Variants in HTT observed in about 807,000 individuals in gnomAD.
The protein encoded by HTT is huntingtin, also known as huntington disease protein.
HTT carries 104 observed loss-of-function variants against 362.3 expected under a neutral mutation model. That is an observed-to-expected ratio of 0.29 (90% CI 0.24 to 0.34). The LOEUF is 0.34. Among genes scored for constraint, HTT ranks in the 10% least tolerant of loss-of-function variants. The probability of loss-of-function intolerance (pLI) is 1.00; values close to 1 mark genes in which losing one functional copy is unlikely to be tolerated. For synonymous variants in HTT, 1,577 were observed against 1,548.7 expected, an observed-to-expected ratio of 1.02 and a Z score of -0.43; for missense variants, 3,301 against 3,928.6, an observed-to-expected ratio of 0.84 and a Z score of 4.27.
intron 60 of HTT, 57 bp downstream of exon 60, chr4:3,230,099 T>G (rs1560604772): frequency 6.7e-7 from 1 of 1,494,912 alleles, no homozygotes; most frequent in African/African-American, 1.4e-5. Flanking sequence ...CCCATCTGCC[T>G]TGGGACCTGG....
intron 27 of HTT, among the ~76,000 whole-genome samples, chr4:3,156,570 G>C (rs1717159332): frequency 2.0e-5 from 3 of 152,214 alleles, no homozygotes; most frequent in African/African-American, 7.2e-5. Context: ...AGGACTCCAA[G>C]TCAAAAGTCT....
At chr4:3,139,488 G>T (rs1263822665) in intron 21 of HTT, among the ~76,000 whole-genome samples, 2 of 152,082 alleles carry the variant, frequency 1.3e-5, no homozygotes, top group African/African-American at 4.8e-5. Context: ...GTGAGCCACC[G>T]TACCCAGCCA....
chr4:3,217,439 A>T (rs954597561), intron 51 of HTT, among the ~76,000 whole-genome samples: 2 of 152,208 alleles, frequency 1.3e-5, no homozygotes, highest in Non-Finnish European at 2.9e-5. Flanking sequence ...GGTGTCCTAA[A>T]GGAAGTCTGA....
At position 3,131,445 on chromosome 4, in the gene HTT, C is replaced by T. The variant is rs192965923; in HGVS notation, c.2098+48C>T. Reference sequence around the variant, plus strand: ...ACAGTTGAAGGAAATAACTAGGTTTCAGAGGTCAGCTTGGTGGCCTGTTTT... The same window carrying T: ...ACAGTTGAAGGAAATAACTAGGTTTTAGAGGTCAGCTTGGTGGCCTGTTTT... On this transcript the variant is annotated intron_variant, in intron 15 of 66. Coordinates refer to ENST00000355072, the MANE Select transcript of HTT (RefSeq NM_001388492.1). The T allele has an allele frequency of 3.4e-3, 5,165 of 1,518,072 alleles. 14 individuals are homozygous for T. Among genetic ancestry groups the T allele is most frequent in the Non-Finnish European group, 3.4e-3 (3,760 of 1,092,826 alleles). The allele number at this position is 1,518,072 out of a possible 1,614,324, so 94.0% of individuals were successfully genotyped here. A position where few individuals can be genotyped will look rare whatever the true frequency, so the allele number is the denominator to read the frequency against.
intron 29 of HTT, among the ~76,000 whole-genome samples, chr4:3,167,000 GA>G (rs1489969767): frequency 1.6e-4 from 25 of 152,366 alleles, no homozygotes; most frequent in African/African-American, 5.8e-4. Context: ...TGGAAATGCA[GA>G]AATCACCTGT....
rs1715246858 is a variant in HTT at position 3,120,537 on chromosome 4, A to G, written c.1069-691A>G. Among the ~76,000 whole-genome samples the G allele has an allele frequency of 2.6e-5, 4 of 152,226 alleles. No individual in the cohort carries two copies. The South Asian group carries it at 8.3e-4, about 32-fold the overall frequency. ...CCAGGCTGCCCAGCAGGAAGTGAGC[A>G]GCAGGTGAGCTGGCATTCCCACCTG... On this transcript the variant is annotated intron_variant, in intron 8 of 66. Transcript: ENST00000355072.
Position 3,225,763 on chromosome 4 carries a change from C to G in HTT, c.7848+20C>G. On this transcript the variant is annotated intron_variant, in intron 57 of 66. Coordinates refer to ENST00000355072, the MANE Select transcript of HTT (RefSeq NM_001388492.1). ...GGCCAGGTCAGTCTCGCGCCCCCGC[C>G]GCCTGGCCTCTGTCCGTTTCTGTCC... The G allele has an allele frequency of 6.3e-7, 1 of 1,595,712 alleles. No individual in the cohort carries two copies. The highest frequency in any genetic ancestry group is 8.6e-7 in the Non-Finnish European group (1 of 1,167,094).
At chr4:3,076,471 C>T (rs2110131291) in intron 1 of HTT, among the ~76,000 whole-genome samples, 2 of 152,298 alleles carry the variant, frequency 1.3e-5, no homozygotes, top group East Asian at 1.9e-4. Flanking sequence ...GCAGTGTTAG[C>T]TTATTTGTTG....
At chr4:3,185,072 ATG>A (rs1467977939) in intron 37 of HTT, among the ~76,000 whole-genome samples, 1 of 152,178 alleles carries the variant, frequency 6.6e-6, no homozygotes, top group Non-Finnish European at 1.5e-5. Context: ...CCTAATGGGA[ATG>A]TGTTCCTGAA....
rs367623835 is a variant in HTT at position 3,212,575 on chromosome 4, C to G, written c.6640C>G (p.Leu2214Val). The G allele has an allele frequency of 6.2e-6, 10 of 1,614,238 alleles. No homozygotes were observed. Among genetic ancestry groups the G allele is most frequent in the Non-Finnish European group, 7.6e-6 (9 of 1,180,026 alleles). Reference sequence around the variant, plus strand: ...TCCTTCTGTTTCAGGGGATGCTGCACTGTATCAGTCCCTGCCCACTCTGGC... The same window carrying G: ...TCCTTCTGTTTCAGGGGATGCTGCAGTGTATCAGTCCCTGCCCACTCTGGC... Reference protein sequence around the residue: ...KLNDLFGDAALYQSLPTLARA... With the variant: ...KLNDLFGDAAVYQSLPTLARA... The change falls in exon 49 of 67, where the codon CTG (leucine) becomes GTG (valine). Residue 2214 changes from leucine to valine, a missense_variant. Physicochemically the swap from Leu to Val is conservative, Grantham distance 32. This residue lies in a region of HTT where 220 missense variants were observed against 218.5 expected (regional missense o/e 1.01). Coordinates refer to ENST00000355072, the MANE Select transcript of HTT (RefSeq NM_001388492.1).
In HTT at chr4:3,074,729, C is replaced by G; in HGVS notation, c.-97C>G. The G allele has an allele frequency of 7.6e-7, 1 of 1,318,534 alleles. No homozygotes were observed. The highest frequency in any genetic ancestry group is 1.0e-6 in the Non-Finnish European group (1 of 987,310). 81.7% of individuals were successfully genotyped at this position (1,318,534 alleles called of 1,614,324 possible). ...GACGGCCGCTCAGGTTCTGCTTTTA[C>G]CTGCGGCCCAGAGCCCCATTCATTG... On this transcript the variant is annotated 5_prime_UTR_variant, in exon 1 of 67. Coordinates refer to ENST00000355072, the MANE Select transcript of HTT (RefSeq NM_001388492.1).
rs1720709078 is a variant in HTT, at chr4:3,222,275, C to T, written c.7370-112C>T. Reference sequence around the variant, plus strand: ...TGTGTGAGGTTTAAGGGACTCACTGCCCTTGGCGTGGAGCCTTCTCCAGGG... The same window carrying T: ...TGTGTGAGGTTTAAGGGACTCACTGTCCTTGGCGTGGAGCCTTCTCCAGGG... On this transcript the variant is annotated intron_variant, in intron 53 of 66. Transcript: ENST00000355072. 8 of 761,876 alleles carry T rather than the reference C, an allele frequency of 1.1e-5. No individual in the cohort carries two copies. In the Admixed American group the frequency reaches 1.8e-4, roughly 17 times the overall value. 47.2% of individuals were successfully genotyped at this position (761,876 alleles called of 1,614,324 possible).
At chr4:3,109,070 T>A (rs78101761) in intron 6 of HTT, among the ~76,000 whole-genome samples, 1,583 of 75,096 alleles carry the variant, frequency 0.021, 32 homozygotes, top group African/African-American at 0.06. Context: ...AAAAAAAATA[T>A]ATATATATAT....
Position 3,105,417 on chromosome 4 carries a change from G to T in HTT, c.589G>T (p.Val197Phe). 1 of 1,613,680 alleles carries T rather than the reference G, an allele frequency of 6.2e-7. No homozygotes were observed. Among genetic ancestry groups the T allele is most frequent in the Non-Finnish European group, 8.5e-7 (1 of 1,179,582 alleles). The change falls in exon 5 of 67, where the codon GTT becomes TTT. Residue 197 changes from valine to phenylalanine, a missense_variant. Coordinates refer to ENST00000355072, the MANE Select transcript of HTT (RefSeq NM_001388492.1). ...LWRFAELAHL[V>F]RPQKCRPYLV... Reference sequence around the variant, plus strand: ...GAGGTTTGCTGAGCTGGCTCACCTGGTTCGGCCTCAGAAATGCAGGTAAGT... The same window carrying T: ...GAGGTTTGCTGAGCTGGCTCACCTGTTTCGGCCTCAGAAATGCAGGTAAGT...
intron 4 of HTT, among the ~76,000 whole-genome samples, chr4:3,105,135 A>G (rs1714361728): frequency 6.6e-6 from 1 of 152,082 alleles, no homozygotes; most frequent in Admixed American, 6.5e-5. Flanking sequence ...TCAAAAGGTT[A>G]CTCTTTATTA....
chr4:3,076,276 C>G (rs556636867), intron 1 of HTT, among the ~76,000 whole-genome samples: 1 of 152,278 alleles, frequency 6.6e-6, no homozygotes, highest in South Asian at 2.1e-4. Context: ...AGGAAGTACT[C>G]TGGTGCAGTT....
chr4:3,092,062 G>A (rs886402650), intron 2 of HTT, among the ~76,000 whole-genome samples: 12 of 152,100 alleles, frequency 7.9e-5, no homozygotes, highest in South Asian at 2.1e-4. Context: ...TGCACTGTCC[G>A]CCTGGGCCAG....
In HTT at chr4:3,224,089, C is replaced by T. The variant is rs1272603619; in HGVS notation, c.7723C>T (p.Gln2575Ter). ...RENIATHHLY[Q>*]AWDPVPSLSP... ...GAATATTGCCACCCATCATTTATAT[C>T]AGGCATGGGATCCTGTCCCTTCTCT... Residue 2575 changes from glutamine (Q) to a stop codon, truncating the protein, a stop_gained, in exon 56 of 67, where the codon CAG becomes TAG. Transcript: ENST00000355072. LOFTEE classifies it high-confidence loss of function. The T allele has an allele frequency of 6.2e-7, 1 of 1,613,950 alleles. No homozygotes were observed.
intron 40 of HTT, among the ~76,000 whole-genome samples, chr4:3,189,327 G>C (rs1718911903): frequency 6.6e-6 from 1 of 152,232 alleles, no homozygotes. Flanking sequence ...TTGCATGCCA[G>C]CATTCATAGC....
Sources: gnomAD v4.1 joint callset for allele counts (sites outside exome capture counted in the v4.1 genomes callset) on GRCh38, gnomAD v4.1.1 for gene constraint, gnomAD v4.1.1 regional missense constraint, MANE v1.5 for transcripts, NCBI Gene and HGNC (gene_info 2026-07-23, HGNC 2026-07-21) for gene names.